The following SLC28A3 variants were observed in gnomAD, a reference collection of about 807,000 sequenced individuals.
The protein encoded by SLC28A3 is solute carrier family 28 member 3, also known as concentrative Na(+)-nucleoside cotransporter 3.
Under a neutral mutation model 84.2 loss-of-function variants are expected in SLC28A3, and 68 were observed. That is an observed-to-expected ratio of 0.81 (90% CI 0.66 to 0.99). The LOEUF (loss-of-function observed/expected upper bound fraction) is 0.99, where lower values mean the gene tolerates loss of function less well. SLC28A3 is among the 50% of genes least tolerant of loss of function. SLC28A3 has a pLI of 0.00. For missense variants in SLC28A3, 712 were observed against 841.5 expected (o/e 0.85, Z 1.90); for synonymous variants, 267 against 303.6 (o/e 0.88, Z 1.25).
the SLC28A3 span, among the ~76,000 whole-genome samples, chr9:84,348,453 G>T: frequency 6.6e-6 from 1 of 151,836 alleles, no homozygotes; most frequent in Admixed American, 6.6e-5. Context: ...CTAGTTACTA[G>T]TAACCCCTGT....
upstream of SLC28A3, among the ~76,000 whole-genome samples, chr9:84,344,352 C>T (rs1827217018): frequency 6.6e-6 from 1 of 151,860 alleles, no homozygotes. Context: ...CCATGCCTGG[C>T]TAATTTTTAC....
intron 9 of SLC28A3, among the ~76,000 whole-genome samples, chr9:84,292,994 A>G (rs753594394): frequency 3.3e-5 from 5 of 152,246 alleles, no homozygotes; most frequent in African/African-American, 4.8e-5. Context: ...ATCAATTTCT[A>G]TAGGTCTATT....
intron 1 of SLC28A3, among the ~76,000 whole-genome samples, chr9:84,321,922 C>T (rs946346303): frequency 9.2e-5 from 14 of 151,768 alleles, no homozygotes; most frequent in African/African-American, 3.1e-4. Context: ...TGGTGGTGAG[C>T]GCCTGTAATC....
At chr9:84,362,885 A>G in the SLC28A3 span, among the ~76,000 whole-genome samples, 1 of 151,904 alleles carries the variant, frequency 6.6e-6, no homozygotes, top group Admixed American at 6.6e-5. Context: ...TAATATAATA[A>G]CTCTTGTATT....
At chr9:84,341,000 G>C (rs1420943100), upstream of SLC28A3, among the ~76,000 whole-genome samples, 8 of 147,372 alleles carry the variant, frequency 5.4e-5, no homozygotes, top group African/African-American at 2.0e-4. Context: ...TTTTGAGATG[G>C]AGTCTCAAAA....
chr9:84,304,726 A>G (rs770367240), intron 4 of SLC28A3, among the ~76,000 whole-genome samples: 41 of 152,174 alleles, frequency 2.7e-4, no homozygotes, highest in Non-Finnish European at 4.7e-4. Flanking sequence ...AGTGAGTCCA[A>G]AAATTAGCTG....
At chr9:84,319,686 C>T (rs962449615) in intron 1 of SLC28A3, among the ~76,000 whole-genome samples, 4 of 152,026 alleles carry the variant, frequency 2.6e-5, no homozygotes, top group Non-Finnish European at 5.9e-5. Flanking sequence ...TCTAGTTTCC[C>T]GTTACTGTTC....
chr9:84,293,648 G>A (rs1307996073), intron 9 of SLC28A3, among the ~76,000 whole-genome samples: 1 of 152,182 alleles, frequency 6.6e-6, no homozygotes, highest in Non-Finnish European at 1.5e-5. Context: ...GGCTAGGGCA[G>A]CAGGAAGGAC....
rs955502867 is a variant in SLC28A3, at chr9:84,294,264, G to A, written c.873C>T (p.Ile291=). The part of the protein sequence containing the change: ...DHFFAFKVLP[I]VVFFSTVMSM... ...ACATCACAGTGCTGAAGAAAACCAC[G>A]ATCGGCAGGACCTGTGGGGACAGAA... The change falls in exon 9 of 18, where the codon ATC becomes ATT. Residue 291 remains isoleucine (I), a synonymous_variant. Transcript: ENST00000376238. 5 of 1,613,984 alleles carry A rather than the reference G, an allele frequency of 3.1e-6. No individual in the cohort carries two copies. The highest frequency in any genetic ancestry group is 4.2e-6 in the Non-Finnish European group (5 of 1,179,972).
upstream of SLC28A3, among the ~76,000 whole-genome samples, chr9:84,344,391 G>T (rs1263392251): frequency 6.6e-6 from 1 of 151,892 alleles, no homozygotes; most frequent in Non-Finnish European, 1.5e-5. Flanking sequence ...ATTTCACCAT[G>T]TTGGCCAGGC....
At chr9:84,292,961 C>T (rs1180271490) in intron 9 of SLC28A3, among the ~76,000 whole-genome samples, 2 of 152,158 alleles carry the variant, frequency 1.3e-5, no homozygotes, top group Non-Finnish European at 2.9e-5. Flanking sequence ...TGAGTCATTG[C>T]GTATACTTTG....
intron 1 of SLC28A3, among the ~76,000 whole-genome samples, chr9:84,316,955 C>A (rs186420868): frequency 6.6e-6 from 1 of 152,092 alleles, no homozygotes; most frequent in South Asian, 2.1e-4. Flanking sequence ...GAGCCAAGAT[C>A]GTACCAGTGC....
At chr9:84,349,395 C>G in the SLC28A3 span, among the ~76,000 whole-genome samples, 2 of 152,154 alleles carry the variant, frequency 1.3e-5, no homozygotes, top group Non-Finnish European at 2.9e-5. Flanking sequence ...TGCTACCACG[C>G]CTGGCTAATT....
chr9:84,355,535 A>G, the SLC28A3 span, among the ~76,000 whole-genome samples: 1 of 152,182 alleles, frequency 6.6e-6, no homozygotes, highest in Admixed American at 6.5e-5. Flanking sequence ...GGGGTGATAA[A>G]AAGTACATAT....
At chr9:84,337,171 G>A (rs1042960327) in intron 1 of SLC28A3, among the ~76,000 whole-genome samples, 17 of 152,174 alleles carry the variant, frequency 1.1e-4, no homozygotes, top group African/African-American at 3.4e-4. Flanking sequence ...GCAAACCTCC[G>A]CCATTTTCCT....
intron 9 of SLC28A3, 152 bp from the exon 10 acceptor site, chr9:84,292,900 A>G: frequency 1.8e-6 from 1 of 556,220 alleles, no homozygotes; most frequent in Non-Finnish European, 3.1e-6. Flanking sequence ...AGTTTAACTT[A>G]TTGAGCCCCT....
intron 1 of SLC28A3, among the ~76,000 whole-genome samples, chr9:84,313,776 A>G (rs1219101104): frequency 6.6e-6 from 1 of 151,612 alleles, no homozygotes; most frequent in Non-Finnish European, 1.5e-5. Context: ...AATCCCAGCT[A>G]CTTGGGAGGC....
intron 7 of SLC28A3, 73 bp downstream of exon 7, chr9:84,297,833 T>G (rs1162153201): frequency 8.0e-7 from 1 of 1,249,284 alleles, no homozygotes; most frequent in East Asian, 2.3e-5. Context: ...AACCCATTTC[T>G]GACACGTCTT....
the SLC28A3 span, among the ~76,000 whole-genome samples, chr9:84,346,861 GT>G: frequency 7.2e-5 from 11 of 152,230 alleles, no homozygotes; most frequent in African/African-American, 2.4e-4. Context: ...TGATTTGGCT[GT>G]CTGTATCACT....
Sources: allele counts gnomAD v4.1 joint callset (sites outside exome capture counted in the v4.1 genomes callset), GRCh38; gene constraint gnomAD v4.1.1; transcripts MANE v1.5; gene names NCBI Gene and HGNC (gene_info 2026-07-23, HGNC 2026-07-21).